ABI3: variants seen among roughly 807,000 people sequenced by gnomAD.
The protein encoded by ABI3 is ABI family member 3.
ABI3 carries 24 observed loss-of-function variants against 37.0 expected under a neutral mutation model. That is an observed-to-expected ratio of 0.65 (90% CI 0.47 to 0.91). The LOEUF is 0.91. Ranked by LOEUF, ABI3 falls within the 40% of genes least tolerant of loss-of-function variation. The pLI, the probability that ABI3 is intolerant of heterozygous loss-of-function variation, is 0.00. For synonymous variants in ABI3, 220 were observed against 211.8 expected, an observed-to-expected ratio of 1.04 and a Z score of -0.34; for missense variants, 481 against 485.1, an observed-to-expected ratio of 0.99 and a Z score of 0.08.
At position 49,222,649 on chromosome 17, in the gene ABI3, G is replaced by C. The variant is rs1294545364; in HGVS notation, c.1035G>C (p.Trp345Cys). The stretch of plus-strand genomic sequence containing the variant: ...TCACTCGCCGCTACTCCGATGGCTG[G>C]TGCGAGGGCGTCAGCTCAGAGGGGA... ...ICVTRRYSDG[W>C]CEGVSSEGTG... The change falls in exon 8 of 8, where the codon TGG becomes TGC. Residue 345 changes from tryptophan (W) to cysteine (C), a missense_variant. Physicochemically the swap from Trp to Cys is radical, Grantham distance 215 (BLOSUM62 -2). Transcript: ENST00000225941. 2 of 1,612,606 alleles carry C rather than the reference G, an allele frequency of 1.2e-6. No homozygotes were observed. Among genetic ancestry groups the C allele is most frequent in the Non-Finnish European group, 1.7e-6 (2 of 1,179,514 alleles).
At position 49,210,711 on chromosome 17, in the gene ABI3, A is replaced by G. The variant is rs1348007931; in HGVS notation, c.-14A>G. Reference sequence around the variant, plus strand: ...GAGCGGGCTCCCTGGGGAGCCAGACAGAGGCTGGGGGTGATGGCGGAGCTA... The same window carrying G: ...GAGCGGGCTCCCTGGGGAGCCAGACGGAGGCTGGGGGTGATGGCGGAGCTA... On this transcript the variant is annotated 5_prime_UTR_variant, in exon 1 of 8. Coordinates refer to ENST00000225941, the MANE Select transcript of ABI3 (RefSeq NM_016428.3). The surrounding 1 kb of genome is among the most constrained non-coding windows in gnomAD (Gnocchi z 4.2). 4 of 1,552,326 alleles carry G rather than the reference A, an allele frequency of 2.6e-6. No individual in the cohort carries two copies. Among genetic ancestry groups the G allele is most frequent in the Non-Finnish European group, 2.6e-6 (3 of 1,146,198 alleles).
Position 49,210,919 on chromosome 17 carries a change from G to C in ABI3, c.117+78G>C, listed in dbSNP as rs2043159973. ...GAGCCCTGCCCCAAGTGGGGCCCTG[G>C]GACCCATCCTGACAGTGCTTGTCCT... On this transcript the variant is annotated intron_variant, in intron 1 of 7. Coordinates refer to ENST00000225941, the MANE Select transcript of ABI3 (RefSeq NM_016428.3). The surrounding 1 kb of genome is among the most constrained non-coding windows in gnomAD (Gnocchi z 4.2). The C allele has an allele frequency of 8.2e-7, 1 of 1,217,276 alleles. No individual in the cohort carries two copies. 75.4% of individuals were successfully genotyped at this position (1,217,276 alleles called of 1,614,324 possible).
intron 2 of ABI3, 120 bp from the exon 3 acceptor site, chr17:49,217,619 C>G (rs1431178460): frequency 2.2e-6 from 2 of 906,636 alleles, no homozygotes; most frequent in Non-Finnish European, 3.2e-6. Flanking sequence ...GGGCAGGGCC[C>G]TCTTTTTCTA....
chr17:49,218,531 C>G (rs559605605), intron 3 of ABI3, among the ~76,000 whole-genome samples: 2 of 152,172 alleles, frequency 1.3e-5, no homozygotes, highest in African/African-American at 4.8e-5. Flanking sequence ...ATCAGCCCCC[C>G]TTAAAGGGGA....
Position 49,222,763 on chromosome 17 carries a change from A to T in ABI3, c.*48A>T. 1 of 1,521,506 alleles carries T rather than the reference A, an allele frequency of 6.6e-7. No individual in the cohort carries two copies. The highest frequency in any genetic ancestry group is 8.8e-7 in the Non-Finnish European group (1 of 1,133,296). The allele number at this position is 1,521,506 out of a possible 1,614,324, so 94.3% of individuals were successfully genotyped here. A position where few individuals can be genotyped will look rare whatever the true frequency, so the allele number is the denominator to read the frequency against. On this transcript the variant is annotated 3_prime_UTR_variant, in exon 8 of 8. Coordinates refer to ENST00000225941, the MANE Select transcript of ABI3 (RefSeq NM_016428.3). ...CTGATGTCTGCACTGAGTGGGTTTC[A>T]TGAGCCCCAAGCCAAAACCAGCTCC...
rs889718871 is a variant in ABI3 at position 49,222,885 on chromosome 17, T to C, written c.*170T>C. ...GAGAAGGGGTCCTGGGGAGAGAGAATTTATCCAGAGGCCTGCTGCAGATGG... is the reference window on the plus strand; with the variant it reads ...GAGAAGGGGTCCTGGGGAGAGAGAACTTATCCAGAGGCCTGCTGCAGATGG... On this transcript the variant is annotated 3_prime_UTR_variant, in exon 8 of 8. Transcript: ENST00000225941. 4 of 774,298 alleles carry C rather than the reference T, an allele frequency of 5.2e-6. No individual in the cohort carries two copies. Among genetic ancestry groups the C allele is most frequent in the Non-Finnish European group, 8.0e-6 (4 of 501,004 alleles). 48.0% of individuals were successfully genotyped at this position (774,298 alleles called of 1,614,324 possible).
At chr17:49,218,695 C>G (rs748580168) in intron 3 of ABI3, among the ~76,000 whole-genome samples, 1 of 151,950 alleles carries the variant, frequency 6.6e-6, no homozygotes, top group African/African-American at 2.4e-5. Flanking sequence ...CTTCCGCCTC[C>G]CAGGTTCAAG....
Position 49,219,315 on chromosome 17 carries a change from A to T in ABI3, c.463-225A>T, listed in dbSNP as rs2043254040. ...CAACCCGCTGTGGCTGTGCAGAGGAAGTGGCTGTGGGCTTTGGTAGAACTG... is the reference window on the plus strand; with the variant it reads ...CAACCCGCTGTGGCTGTGCAGAGGATGTGGCTGTGGGCTTTGGTAGAACTG... On this transcript the variant is annotated intron_variant, in intron 3 of 7. Coordinates refer to ENST00000225941, the MANE Select transcript of ABI3 (RefSeq NM_016428.3). The surrounding 1 kb of genome is among the most constrained non-coding windows in gnomAD (Gnocchi z 4.3). Among the ~76,000 whole-genome samples the T allele has an allele frequency of 1.3e-5, 2 of 151,946 alleles. No individual in the cohort carries two copies. The highest frequency in any genetic ancestry group is 1.9e-4 in the East Asian group (1 of 5,162).
At chr17:49,215,591 G>A (rs185271671) in intron 1 of ABI3, among the ~76,000 whole-genome samples, 31 of 151,866 alleles carry the variant, frequency 2.0e-4, no homozygotes, top group African/African-American at 5.8e-4. Context: ...TCCGCCTCCC[G>A]GGTTCAAGTG....
chr17:49,214,399 A>G (rs911546447), intron 1 of ABI3, among the ~76,000 whole-genome samples: 1 of 152,132 alleles, frequency 6.6e-6, no homozygotes, highest in African/African-American at 2.4e-5. Flanking sequence ...CCACTGCCTG[A>G]TCTGGGACCA....
intron 1 of ABI3, among the ~76,000 whole-genome samples, chr17:49,216,004 G>A (rs567766992): frequency 6.6e-6 from 1 of 151,582 alleles, no homozygotes; most frequent in African/African-American, 2.4e-5. Flanking sequence ...CCAACTACTT[G>A]GGAGGCTGAG....
At chr17:49,217,425 C>T (rs1380682567) in intron 2 of ABI3, among the ~76,000 whole-genome samples, 2 of 152,170 alleles carry the variant, frequency 1.3e-5, no homozygotes, top group Non-Finnish European at 2.9e-5. Context: ...GCTCCGAAGT[C>T]AGCCGGGTGC....
chr17:49,217,138 C>T (rs1231557655), intron 2 of ABI3, among the ~76,000 whole-genome samples: 1 of 152,076 alleles, frequency 6.6e-6, no homozygotes, highest in Non-Finnish European at 1.5e-5. Context: ...GCGCACACAC[C>T]CTCCTCCTTC....
chr17:49,222,640 C>CG lies in ABI3; in HGVS notation c.1027dup (p.Asp343GlyfsTer34), dbSNP rs771956893. On this transcript the variant is annotated frameshift_variant, in exon 8 of 8. Coordinates refer to ENST00000225941, the MANE Select transcript of ABI3 (RefSeq NM_016428.3). LOFTEE classifies it high-confidence loss of function. ...TCATCTGTGTCACTCGCCGCTACTC[C>CG]GATGGCTGGTGCGAGGGCGTCAGCT... The CG allele has an allele frequency of 9.9e-6, 16 of 1,613,660 alleles. No individual in the cohort carries two copies. Among genetic ancestry groups the CG allele is most frequent in the Non-Finnish European group, 1.4e-5 (16 of 1,179,940 alleles).
intron 1 of ABI3, among the ~76,000 whole-genome samples, chr17:49,214,389 C>T (rs1192072828): frequency 1.3e-5 from 2 of 152,178 alleles, no homozygotes; most frequent in South Asian, 2.1e-4. Flanking sequence ...GCCCTAGCCC[C>T]CACTGCCTGA....
intron 3 of ABI3, 44 bp downstream of exon 3, chr17:49,217,959 G>C: frequency 6.8e-7 from 1 of 1,466,064 alleles, no homozygotes; most frequent in Non-Finnish European, 9.0e-7. Flanking sequence ...CCACCCTCTC[G>C]TGCCTTGTGG....
intron 1 of ABI3, among the ~76,000 whole-genome samples, chr17:49,216,128 AAAG>A (rs1482888716): frequency 2.6e-5 from 4 of 151,460 alleles, no homozygotes; most frequent in African/African-American, 9.7e-5. Flanking sequence ...AAAAAAAAAA[AAAG>A]AATGTCTGCT....
chr17:49,222,092 C>T lies in ABI3; in HGVS notation c.804C>T (p.Asp268=), dbSNP rs146244763. ...TLEELSPPPP[D]EELPLPLDLP... is the part of the protein sequence containing the mutation. Reference sequence around the variant, plus strand: ...CAGCCTTTCTGCTTTTCCCCCAAGACGAAGAGCTGCCCCTGCCACTGGACC... The same window carrying T: ...CAGCCTTTCTGCTTTTCCCCCAAGATGAAGAGCTGCCCCTGCCACTGGACC... Residue 268 remains aspartate (D), a splice_region_variant and synonymous_variant, in exon 7 of 8, where the codon GAC becomes GAT. Transcript: ENST00000225941. 270 of 1,594,936 alleles carry T rather than the reference C, an allele frequency of 1.7e-4. No homozygotes were observed. In the African/African-American group the frequency reaches 1.8e-3, roughly 10 times the overall value.
intron 3 of ABI3, 134 bp downstream of exon 3, chr17:49,218,049 C>A (rs753928456): frequency 3.8e-4 from 336 of 885,748 alleles, no homozygotes; most frequent in Non-Finnish European, 4.5e-4. Flanking sequence ...CCTGAAACCA[C>A]CACTCTGAGC....
Sources: allele counts gnomAD v4.1 joint callset (sites outside exome capture counted in the v4.1 genomes callset), GRCh38; gene constraint gnomAD v4.1.1; non-coding constraint Gnocchi (gnomAD v3.1); transcripts MANE v1.5; gene names NCBI Gene and HGNC (gene_info 2026-07-23, HGNC 2026-07-21).